SLC25A37: variants seen among roughly 807,000 people sequenced by gnomAD.
The protein encoded by SLC25A37 is mitoferrin-1.
Under a neutral mutation model 31.0 loss-of-function variants are expected in SLC25A37, and 17 were observed. The observed-to-expected ratio is 0.55, with a 90% CI of 0.38 to 0.82. SLC25A37 has a LOEUF of 0.82. SLC25A37 is among the 40% of genes least tolerant of loss of function. The pLI is 0.00. For synonymous variants in SLC25A37, 222 were observed against 193.0 expected (o/e 1.15, Z -1.24); for missense variants, 404 against 465.8 (o/e 0.87, Z 1.22).
At chr8:23,530,726 C>G (rs1038046383) in intron 1 of SLC25A37, among the ~76,000 whole-genome samples, 2 of 152,178 alleles carry the variant, frequency 1.3e-5, no homozygotes, top group Non-Finnish European at 2.9e-5. Flanking sequence ...AAGTTAGGAG[C>G]AGGGAGGTGT....
intron 1 of SLC25A37, among the ~76,000 whole-genome samples, chr8:23,553,723 G>C (rs917702368): frequency 6.6e-6 from 1 of 152,238 alleles, no homozygotes; most frequent in African/African-American, 2.4e-5. Flanking sequence ...TTAGGAGACA[G>C]AATGGGTTGG....
intron 1 of SLC25A37, among the ~76,000 whole-genome samples, chr8:23,547,509 C>A (rs1563256723): frequency 6.6e-6 from 1 of 152,220 alleles, no homozygotes; most frequent in African/African-American, 2.4e-5. Context: ...CTACATGATT[C>A]TCTCGGGAAC....
intron 1 of SLC25A37, among the ~76,000 whole-genome samples, chr8:23,547,804 A>G (rs753799527): frequency 3.9e-5 from 6 of 152,226 alleles, no homozygotes; most frequent in African/African-American, 1.4e-4. Context: ...CAAGACTGCA[A>G]ATCATCCATC....
intron 3 of SLC25A37, among the ~76,000 whole-genome samples, chr8:23,571,039 A>G (rs1001446213): frequency 9.9e-5 from 15 of 152,168 alleles, no homozygotes; most frequent in African/African-American, 3.6e-4. Context: ...TCTAGTCTGA[A>G]GTGGCTGCCT....
chr8:23,566,103 C>T lies in SLC25A37; in HGVS notation c.211-5C>T. 2 of 1,574,392 alleles carry T rather than the reference C, an allele frequency of 1.3e-6. No homozygotes were observed. The highest frequency in any genetic ancestry group is 2.3e-5 in the East Asian group (1 of 42,954). ...TGTTTGTTTTCTCTTCTTGCCCGCT[C>T]CCAGACACGAATGCAGAGTTTGAGT... On this transcript the variant is annotated splice_polypyrimidine_tract_variant and splice_region_variant and intron_variant, in intron 1 of 3. Transcript: ENST00000519973.
At chr8:23,530,570 G>A (rs1801643721) in intron 1 of SLC25A37, among the ~76,000 whole-genome samples, 1 of 152,196 alleles carries the variant, frequency 6.6e-6, no homozygotes, top group African/African-American at 2.4e-5. Flanking sequence ...GTGTCCCAGT[G>A]GGGAGTTAGA....
intron 1 of SLC25A37, among the ~76,000 whole-genome samples, chr8:23,542,208 G>C (rs571540828): frequency 6.6e-6 from 1 of 152,128 alleles, no homozygotes; most frequent in African/African-American, 2.4e-5. Context: ...ATTGCATTTC[G>C]CCCGTGTTTG....
At chr8:23,565,984 C>T (rs2117452994) in intron 1 of SLC25A37, 124 bp from the exon 2 acceptor site, 1 of 1,332,876 alleles carries the variant, frequency 7.5e-7, no homozygotes, top group South Asian at 1.6e-5. Flanking sequence ...TGTTTCCTTC[C>T]CAGAGAAATC....
intron 1 of SLC25A37, among the ~76,000 whole-genome samples, chr8:23,539,021 C>G (rs1472456699): frequency 2.0e-5 from 3 of 152,160 alleles, no homozygotes; most frequent in Non-Finnish European, 4.4e-5. Flanking sequence ...TCTGGAGGCT[C>G]AAGTTGGCTC....
intron 1 of SLC25A37, among the ~76,000 whole-genome samples, chr8:23,544,178 T>C (rs1040853972): frequency 8.5e-5 from 13 of 152,174 alleles, no homozygotes; most frequent in Admixed American, 6.5e-5. Context: ...ACTTTTGGTA[T>C]ATTTAGATTC....
intron 1 of SLC25A37, among the ~76,000 whole-genome samples, chr8:23,563,790 G>A (rs1209662276): frequency 6.6e-6 from 1 of 152,106 alleles, no homozygotes; most frequent in Non-Finnish European, 1.5e-5. Flanking sequence ...GACCAGCCTG[G>A]CCAACATAGT....
At chr8:23,540,682 G>T (rs935850259) in intron 1 of SLC25A37, among the ~76,000 whole-genome samples, 1 of 152,162 alleles carries the variant, frequency 6.6e-6, no homozygotes, top group Non-Finnish European at 1.5e-5. Context: ...CGGACTAGTC[G>T]TGAAGATTCC....
At position 23,529,148 on chromosome 8, in the gene SLC25A37, T is replaced by C; in HGVS notation, c.146T>C (p.Met49Thr). Reference protein sequence around the residue: ...LPTSASVSTHMTAGAMAGILE... With the variant: ...LPTSASVSTHTTAGAMAGILE... Reference sequence around the variant, plus strand: ...ACTAGCGCCTCCGTGTCCACCCACATGACAGCAGGAGCGATGGCCGGGATC... The same window carrying C: ...ACTAGCGCCTCCGTGTCCACCCACACGACAGCAGGAGCGATGGCCGGGATC... Residue 49 changes from methionine (M) to threonine (T), a missense_variant, in exon 1 of 4, where the codon ATG becomes ACG. Around this residue, in one of 3 missense-constraint regions of SLC25A37, gnomAD observed 154 missense variants for 153.6 expected, o/e 1.00. Coordinates refer to ENST00000519973, the MANE Select transcript of SLC25A37 (RefSeq NM_016612.4). This position sits in a 1 kb window ranked among gnomAD's most constrained non-coding sequence, Gnocchi z 4.1. 1 of 1,611,672 alleles carries C rather than the reference T, an allele frequency of 6.2e-7. No individual in the cohort carries two copies. Among genetic ancestry groups the C allele is most frequent in the Non-Finnish European group, 8.5e-7 (1 of 1,179,218 alleles).
intron 1 of SLC25A37, among the ~76,000 whole-genome samples, chr8:23,538,621 T>C (rs1022507047): frequency 6.6e-6 from 1 of 151,906 alleles, no homozygotes; most frequent in Admixed American, 6.6e-5. Flanking sequence ...GCCACTCATG[T>C]CATTCCACGT....
Position 23,572,079 on chromosome 8 carries a change from C to T in SLC25A37, c.*224C>T. 5.8e-6 allele frequency: 3 copies of T among 513,206 alleles called. No individual in the cohort carries two copies. The highest frequency in any genetic ancestry group is 1.0e-5 in the Non-Finnish European group (3 of 292,716). 31.8% of individuals were successfully genotyped at this position (513,206 alleles called of 1,614,324 possible). A position where few individuals can be genotyped will look rare whatever the true frequency, so the allele number is the denominator to read the frequency against. The stretch of plus-strand genomic sequence containing the variant: ...GACAGGAAGGACTTGGGAAGGGGAG[C>T]GAGAAATTGCTTTTTCTCTTCCTCC... On this transcript the variant is annotated 3_prime_UTR_variant, in exon 4 of 4. Transcript: ENST00000519973.
At chr8:23,537,335 T>G (rs1471661842) in intron 1 of SLC25A37, among the ~76,000 whole-genome samples, 1 of 152,246 alleles carries the variant, frequency 6.6e-6, no homozygotes, top group Non-Finnish European at 1.5e-5. Context: ...CATATTTTAC[T>G]TATATTTATA....
intron 1 of SLC25A37, among the ~76,000 whole-genome samples, chr8:23,564,937 C>T: frequency 6.6e-6 from 1 of 152,038 alleles, no homozygotes; most frequent in South Asian, 2.1e-4. Flanking sequence ...ATCTACCTAC[C>T]TACGTACCTA....
chr8:23,554,623 C>G (rs1015268147), intron 1 of SLC25A37, among the ~76,000 whole-genome samples: 1 of 152,194 alleles, frequency 6.6e-6, no homozygotes, highest in Non-Finnish European at 1.5e-5. Flanking sequence ...CCATTGGAGG[C>G]TTTTCTAGAG....
Position 23,529,309 on chromosome 8 carries a change from G to A in SLC25A37, c.210+97G>A, listed in dbSNP as rs1801613856. The A allele has an allele frequency of 1.6e-6, 2 of 1,247,280 alleles. No homozygotes were observed. The highest frequency in any genetic ancestry group is 2.2e-6 in the Non-Finnish European group (2 of 916,636). 77.3% of individuals were successfully genotyped at this position (1,247,280 alleles called of 1,614,324 possible). A position where few individuals can be genotyped will look rare whatever the true frequency, so the allele number is the denominator to read the frequency against. Reference sequence around the variant, plus strand: ...GCCGGCAGCCTCGGGGCAGCGTCCCGAAACCGAGCTCTCCCCAGGACCGCG... The same window carrying A: ...GCCGGCAGCCTCGGGGCAGCGTCCCAAAACCGAGCTCTCCCCAGGACCGCG... On this transcript the variant is annotated intron_variant, in intron 1 of 3. Coordinates refer to ENST00000519973, the MANE Select transcript of SLC25A37 (RefSeq NM_016612.4). The surrounding 1 kb of genome is among the most constrained non-coding windows in gnomAD (Gnocchi z 4.1).
Sources: gnomAD v4.1 joint callset for allele counts (sites outside exome capture counted in the v4.1 genomes callset) on GRCh38, gnomAD v4.1.1 for gene constraint, gnomAD v4.1.1 regional missense constraint, Gnocchi (gnomAD v3.1) non-coding constraint, MANE v1.5 for transcripts, NCBI Gene and HGNC (gene_info 2026-07-23, HGNC 2026-07-21) for gene names.